ZFHX4: variants seen among roughly 807,000 people sequenced by gnomAD.
ZFHX4 encodes the protein zinc finger homeobox protein 4.
In ZFHX4, 56 loss-of-function variants were observed where a neutral mutation model predicts 267.6. The observed-to-expected ratio is 0.21, with a 90% confidence interval of 0.17 to 0.26. ZFHX4 has a LOEUF of 0.26. Ranked by LOEUF, ZFHX4 falls within the 10% of genes least tolerant of loss-of-function variation. The pLI is 1.00. For synonymous variants in ZFHX4, 1,778 were observed against 1,665.6 expected (o/e 1.07, Z -1.64); for missense variants, 4,332 against 4,420.0 (o/e 0.98, Z 0.56).
At chr8:76,710,965 T>C (rs1240266510) in intron 3 of ZFHX4, among the ~76,000 whole-genome samples, 1 of 152,170 alleles carries the variant, frequency 6.6e-6, no homozygotes, top group East Asian at 1.9e-4. Context: ...TTAGGCAGCT[T>C]TAACATTAGA....
At chr8:76,850,220 A>C (rs768237458) in intron 8 of ZFHX4, 25 bp from the exon 9 acceptor site, 130 of 1,575,124 alleles carry the variant, frequency 8.3e-5, no homozygotes, top group Non-Finnish European at 1.1e-4. Flanking sequence ...GGTACATTTA[A>C]CATAAACCCC....
chr8:76,704,772 T>C lies in ZFHX4; in HGVS notation c.684T>C (p.Arg228=), dbSNP rs746982156. 2 of 1,613,934 alleles carry C rather than the reference T, an allele frequency of 1.2e-6. No homozygotes were observed. The highest frequency in any genetic ancestry group is 3.3e-5 in the Admixed American group (2 of 60,006). ...AGVGPVLHSF[R]VYDLRHKREK... is the part of the protein sequence containing the mutation. ...TTGGTCCTGTGTTGCACAGTTTCCG[T>C]GTCTATGATCTCCGACACAAGAGAG... Residue 228 remains arginine, a synonymous_variant, in exon 2 of 11, where the codon CGT becomes CGC. Coordinates refer to ENST00000651372, the MANE Select transcript of ZFHX4 (RefSeq NM_024721.5).
chr8:76,733,682 T>C (rs1234273330), intron 3 of ZFHX4, among the ~76,000 whole-genome samples: 2 of 152,198 alleles, frequency 1.3e-5, no homozygotes, highest in African/African-American at 4.8e-5. Context: ...TCCTTCTTTT[T>C]AAGATCATGC....
Position 76,841,496 on chromosome 8 carries a change from C to T in ZFHX4, c.3395-1159C>T, listed in dbSNP as rs7827047. Among the ~76,000 whole-genome samples the T allele has an allele frequency of 8.3e-3, 1,265 of 152,092 alleles. 13 individuals are homozygous for T. The highest frequency in any genetic ancestry group is 0.029 in the African/African-American group (1,190 of 41,486). ...TTGACACTTAAAATGTCCATAGCAG[C>T]GTTTTGTATGGTTATTGAAGGGTTA... On this transcript the variant is annotated intron_variant, in intron 5 of 10. Transcript: ENST00000651372.
chr8:76,704,274 G>A lies in ZFHX4; in HGVS notation c.186G>A (p.Leu62=). 1.2e-6 allele frequency: 2 copies of A among 1,614,018 alleles called. No homozygotes were observed. Among genetic ancestry groups the A allele is most frequent in the Non-Finnish European group, 1.7e-6 (2 of 1,179,890 alleles). Residue 62 remains leucine, a synonymous_variant, in exon 2 of 11, where the codon CTG becomes CTA. Coordinates refer to ENST00000651372, the MANE Select transcript of ZFHX4 (RefSeq NM_024721.5). Reference sequence around the variant, plus strand: ...ATGAGCGCAAAAGTGAAGCCTTGCTGGGTTTCAGCGTTGAGAATGCAGCTG... The same window carrying A: ...ATGAGCGCAAAAGTGAAGCCTTGCTAGGTTTCAGCGTTGAGAATGCAGCTG... The part of the protein sequence containing the change: ...KTDERKSEAL[L]GFSVENAAAT...
intron 3 of ZFHX4, among the ~76,000 whole-genome samples, chr8:76,722,989 C>A (rs889855320): frequency 2.0e-5 from 3 of 152,024 alleles, no homozygotes; most frequent in African/African-American, 7.2e-5. Context: ...TGTAGCCATA[C>A]TCATCAACTT....
At chr8:76,718,335 G>A (rs1473133825) in intron 3 of ZFHX4, among the ~76,000 whole-genome samples, 1 of 152,172 alleles carries the variant, frequency 6.6e-6, no homozygotes, top group Non-Finnish European at 1.5e-5. Context: ...ACTATGTGAA[G>A]TCAAATATCA....
chr8:76,703,286 C>A (rs1808152411), intron 1 of ZFHX4, among the ~76,000 whole-genome samples: 1 of 152,060 alleles, frequency 6.6e-6, no homozygotes, highest in South Asian at 2.1e-4. Context: ...GTTCATTACG[C>A]ATTGCAGTGA....
chr8:76,744,868 C>A (rs1038685595), intron 3 of ZFHX4, among the ~76,000 whole-genome samples: 1 of 152,156 alleles, frequency 6.6e-6, no homozygotes. Flanking sequence ...AGTATACGTC[C>A]TGTGCTTTCC....
At chr8:76,803,345 T>A (rs943736078) in intron 4 of ZFHX4, among the ~76,000 whole-genome samples, 2 of 152,000 alleles carry the variant, frequency 1.3e-5, no homozygotes, top group Non-Finnish European at 2.9e-5. Flanking sequence ...GTTTGAAAAT[T>A]AGTGTTAACA....
intron 3 of ZFHX4, among the ~76,000 whole-genome samples, chr8:76,749,395 A>C (rs1341390892): frequency 6.6e-6 from 1 of 152,220 alleles, no homozygotes; most frequent in Non-Finnish European, 1.5e-5. Flanking sequence ...CTTGTCCCAG[A>C]TCAAGAATTC....
intron 3 of ZFHX4, among the ~76,000 whole-genome samples, chr8:76,724,836 A>G (rs1299671978): frequency 6.6e-6 from 1 of 152,078 alleles, no homozygotes; most frequent in Admixed American, 6.6e-5. Flanking sequence ...CCACAGGCCC[A>G]CTGGGTTACA....
chr8:76,760,870 A>C (rs1185720510), intron 3 of ZFHX4, among the ~76,000 whole-genome samples: 1 of 145,848 alleles, frequency 6.9e-6, no homozygotes, highest in Admixed American at 7.0e-5. Flanking sequence ...TTGAGGCTGC[A>C]GTGAGCAGTG....
intron 3 of ZFHX4, among the ~76,000 whole-genome samples, 184 bp from the exon 4 acceptor site, chr8:76,778,024 T>G (rs1457733274): frequency 6.6e-6 from 1 of 152,166 alleles, no homozygotes; most frequent in East Asian, 1.9e-4. Context: ...TTACACATTA[T>G]TTTAAATGTA....
At chr8:76,736,822 CA>C (rs1222403944) in intron 3 of ZFHX4, among the ~76,000 whole-genome samples, 2 of 151,974 alleles carry the variant, frequency 1.3e-5, no homozygotes, top group Admixed American at 6.6e-5. Context: ...TCAAGTTTTT[CA>C]AAAAAGGAAG....
chr8:76,734,649 A>G (rs1489487236), intron 3 of ZFHX4, among the ~76,000 whole-genome samples: 4 of 152,136 alleles, frequency 2.6e-5, no homozygotes, highest in African/African-American at 9.7e-5. Context: ...TCTCCCTTTT[A>G]AGATGATTAG....
At position 76,704,710 on chromosome 8, in the gene ZFHX4, G is replaced by C; in HGVS notation, c.622G>C (p.Asp208His). The C allele has an allele frequency of 1.2e-6, 2 of 1,613,944 alleles. No homozygotes were observed. Among genetic ancestry groups the C allele is most frequent in the South Asian group, 2.2e-5 (2 of 91,064 alleles). Residue 208 changes from aspartate (D) to histidine (H), a missense_variant, in exon 2 of 11, where the codon GAT (aspartate) becomes CAT (histidine). Asp to His is a moderately conservative substitution (Grantham distance 81, BLOSUM62 -1). Around this residue, in one of 7 missense-constraint regions of ZFHX4, gnomAD observed 1,195 missense variants for 1,173.6 expected, o/e 1.02. Transcript: ENST00000651372. ...ASSLGKPFTA[D>H]QAFPNTSALA... ...ATCCCTCGGGAAACCATTTACAGCCGATCAGGCTTTCCCAAATACCTCAGC... is the reference window on the plus strand; with the variant it reads ...ATCCCTCGGGAAACCATTTACAGCCCATCAGGCTTTCCCAAATACCTCAGC...
chr8:76,729,482 A>G (rs1375256752), intron 3 of ZFHX4, among the ~76,000 whole-genome samples: 1 of 152,152 alleles, frequency 6.6e-6, no homozygotes, highest in Non-Finnish European at 1.5e-5. Flanking sequence ...TTTGTACAAA[A>G]TATCTAATTT....
At chr8:76,820,818 C>A (rs534917909) in intron 4 of ZFHX4, among the ~76,000 whole-genome samples, 23 of 152,258 alleles carry the variant, frequency 1.5e-4, no homozygotes, top group Admixed American at 3.3e-4. Flanking sequence ...TGGCTCATAG[C>A]TAGATAGGAT....
Sources: gnomAD v4.1 joint callset for allele counts (sites outside exome capture counted in the v4.1 genomes callset) on GRCh38, gnomAD v4.1.1 for gene constraint, gnomAD v4.1.1 regional missense constraint, MANE v1.5 for transcripts, NCBI Gene and HGNC (gene_info 2026-07-23, HGNC 2026-07-21) for gene names.